The following PCDHA5 variants were observed in gnomAD, a reference collection of about 807,000 sequenced individuals.
The protein encoded by PCDHA5 is protocadherin alpha 5, also known as protocadherin alpha-5.
PCDHA5 carries 43 observed loss-of-function variants against 61.6 expected under a neutral mutation model. The observed-to-expected ratio is 0.70, with a 90% CI of 0.55 to 0.90. The LOEUF is 0.90. Ranked by LOEUF, PCDHA5 falls within the 40% of genes least tolerant of loss-of-function variation. The probability of loss-of-function intolerance (pLI) is 0.00; values close to 1 mark genes in which losing one functional copy is unlikely to be tolerated. For synonymous variants in PCDHA5, 627 were observed against 543.9 expected (o/e 1.15, Z -2.13); for missense variants, 1,298 against 1,222.7 (o/e 1.06, Z -0.92).
intron 1 of PCDHA5, chr5:140,868,353 A>T (rs1303376076): frequency 6.6e-6 from 1 of 152,174 alleles, no homozygotes; most frequent in Non-Finnish European, 1.5e-5. Flanking sequence ...ATCAGAAAGC[A>T]ATTAAATGTA....
intron 1 of PCDHA5, chr5:140,847,908 G>GA (rs1781243809): frequency 6.7e-6 from 1 of 149,496 alleles, no homozygotes; most frequent in Non-Finnish European, 1.5e-5. Context: ...AGATTTCTGG[G>GA]CTCCTATATT....
chr5:140,947,270 T>C (rs1230948656), intron 1 of PCDHA5, among the ~76,000 whole-genome samples: 1 of 151,546 alleles, frequency 6.6e-6, no homozygotes, highest in Non-Finnish European at 1.5e-5. Context: ...TTGTTGAAAA[T>C]ACTTTTTCTT....
chr5:140,850,870 C>T (rs2041860936), intron 1 of PCDHA5: 1 of 1,591,890 alleles, frequency 6.3e-7, no homozygotes, highest in African/African-American at 1.3e-5. Context: ...CCCTCTGCTT[C>T]CTCAGATTCA....
chr5:140,869,123 G>A, intron 1 of PCDHA5: 1 of 1,608,454 alleles, frequency 6.2e-7, no homozygotes, highest in South Asian at 1.1e-5. Flanking sequence ...TTTCAGAGAA[G>A]GGGATTGGGC....
chr5:140,876,587 T>C (rs201129017), intron 1 of PCDHA5: 1 of 1,614,208 alleles, frequency 6.2e-7, no homozygotes, highest in African/African-American at 1.3e-5. Context: ...ATTGCCCTGA[T>C]TAGCGTGTCG....
At chr5:140,975,120 C>CT (rs140169299) in intron 1 of PCDHA5, among the ~76,000 whole-genome samples, 5 of 152,258 alleles carry the variant, frequency 3.3e-5, no homozygotes, top group African/African-American at 1.2e-4. Flanking sequence ...TGTTTTCCTA[C>CT]TTACTATTGG....
intron 1 of PCDHA5, among the ~76,000 whole-genome samples, chr5:140,941,445 A>C (rs1472770794): frequency 8.0e-5 from 12 of 149,892 alleles, no homozygotes; most frequent in Middle Eastern, 6.8e-3. Context: ...CCTCGGGAGT[A>C]GCTGGGATTA....
chr5:140,930,494 A>T (rs1238249815), intron 1 of PCDHA5: 3 of 152,500 alleles, frequency 2.0e-5, no homozygotes, highest in Admixed American at 6.6e-5. Flanking sequence ...AAGTGCTGGG[A>T]TTACAGGCAT....
At chr5:140,935,520 G>A (rs1404556030) in intron 1 of PCDHA5, among the ~76,000 whole-genome samples, 1 of 152,154 alleles carries the variant, frequency 6.6e-6, no homozygotes, top group Non-Finnish European at 1.5e-5. Context: ...CAGTAGGCAT[G>A]TACAGTCAAA....
chr5:140,884,479 C>A (rs1554181619), intron 1 of PCDHA5: 2 of 1,613,914 alleles, frequency 1.2e-6, no homozygotes, highest in African/African-American at 1.3e-5. Flanking sequence ...CGGGCAAGCC[C>A]ACTCTAGTGT....
chr5:140,900,180 T>G (rs1223345758), intron 1 of PCDHA5, among the ~76,000 whole-genome samples: 3 of 152,228 alleles, frequency 2.0e-5, no homozygotes, highest in Non-Finnish European at 4.4e-5. Context: ...CTGGTTTATG[T>G]CACTTATAAT....
At chr5:140,886,257 T>C (rs1391638514) in intron 1 of PCDHA5, among the ~76,000 whole-genome samples, 38 of 152,026 alleles carry the variant, frequency 2.5e-4, no homozygotes, top group Admixed American at 2.5e-3. Context: ...AGTATCTCTA[T>C]TTATAGATAA....
intron 1 of PCDHA5, among the ~76,000 whole-genome samples, chr5:140,976,868 CAAAG>C (rs1397427113): frequency 6.6e-5 from 10 of 152,120 alleles, no homozygotes; most frequent in African/African-American, 1.2e-4. Flanking sequence ...TACTGTCTGA[CAAAG>C]AAAGAATTAG....
At chr5:140,870,822 A>G in intron 1 of PCDHA5, 3 of 1,613,698 alleles carry the variant, frequency 1.9e-6, no homozygotes, top group Non-Finnish European at 2.5e-6. Context: ...GCAGCGCGGG[A>G]GGCGCAGTTA....
At chr5:140,907,773 G>C (rs2073598085) in intron 1 of PCDHA5, among the ~76,000 whole-genome samples, 1 of 152,200 alleles carries the variant, frequency 6.6e-6, no homozygotes, top group Admixed American at 6.5e-5. Flanking sequence ...GGTGATGACA[G>C]GGGTGGCTGG....
intron 3 of PCDHA5, among the ~76,000 whole-genome samples, chr5:140,983,718 T>C (rs2097062684): frequency 6.6e-6 from 1 of 152,248 alleles, no homozygotes; most frequent in South Asian, 2.1e-4. Context: ...CTAGCACTTA[T>C]ATTCATAACA....
chr5:140,927,290 T>A (rs1563090312), intron 1 of PCDHA5: 2 of 1,614,054 alleles, frequency 1.2e-6, no homozygotes, highest in Admixed American at 1.7e-5. Context: ...CAGCTGCACA[T>A]CCCCGAGTTC....
chr5:140,988,900 G>A (rs2097319351), intron 3 of PCDHA5: 1 of 152,194 alleles, frequency 6.6e-6, no homozygotes, highest in Admixed American at 6.5e-5. Context: ...ACATTTTAGA[G>A]GGTGTAGTGA....
chr5:140,904,714 C>T (rs1306730472), intron 1 of PCDHA5, among the ~76,000 whole-genome samples: 1 of 152,110 alleles, frequency 6.6e-6, no homozygotes, highest in African/African-American at 2.4e-5. Flanking sequence ...TCACCACATT[C>T]TGGCCAACAT....
Sources: gnomAD v4.1 joint callset for allele counts (sites outside exome capture counted in the v4.1 genomes callset) on GRCh38, gnomAD v4.1.1 for gene constraint, MANE v1.5 for transcripts, NCBI Gene and HGNC (gene_info 2026-07-23, HGNC 2026-07-21) for gene names.